Variants in FLRT2 observed in about 807,000 individuals in gnomAD.
The protein encoded by FLRT2 is fibronectin leucine rich transmembrane protein 2.
FLRT2 carries 15 observed loss-of-function variants against 40.0 expected under a neutral mutation model. That is an observed-to-expected ratio of 0.38 (90% CI 0.25 to 0.58). The LOEUF (loss-of-function observed/expected upper bound fraction) is 0.58, where lower values mean the gene tolerates loss of function less well. Ranked by LOEUF, FLRT2 falls within the 20% of genes least tolerant of loss-of-function variation. The pLI is 0.71. For synonymous variants in FLRT2, 380 were observed against 336.8 expected (o/e 1.13, Z -1.41); for missense variants, 726 against 840.0 (o/e 0.86, Z 1.68).
chr14:85,534,960 GAATC>G (rs1247426671), intron 1 of FLRT2, among the ~76,000 whole-genome samples: 1 of 152,016 alleles, frequency 6.6e-6, no homozygotes, highest in Admixed American at 6.6e-5. Flanking sequence ...CTGTGAATGG[GAATC>G]AGTCTTCAAG....
rs1160468989 is a variant in FLRT2, at chr14:85,622,229, C to T, written c.715C>T (p.Arg239Cys). The T allele has an allele frequency of 1.2e-6, 2 of 1,613,954 alleles. No individual in the cohort carries two copies. Among genetic ancestry groups the T allele is most frequent in the African/African-American group, 1.3e-5 (1 of 74,886 alleles). Residue 239 changes from arginine (R) to cysteine (C), a missense_variant, in exon 2 of 2, where the codon CGT (arginine) becomes TGT (cysteine). By Grantham distance (180) the Arg-to-Cys change is radical (BLOSUM62 -3). Around this residue, in one of 3 missense-constraint regions of FLRT2, gnomAD observed 611 missense variants for 690.0 expected, o/e 0.89. Transcript: ENST00000330753. The stretch of plus-strand genomic sequence containing the variant: ...CAAGCTCAAGGAATTTTCAATTGTA[C>T]GTAATTCGCTGTCCCACCCTCCTCC... ...LTKLKEFSIVRNSLSHPPPDL... is the reference protein window; with the variant it reads ...LTKLKEFSIVCNSLSHPPPDL...
intron 1 of FLRT2, among the ~76,000 whole-genome samples, chr14:85,564,500 A>G (rs999021932): frequency 2.0e-5 from 3 of 152,220 alleles, no homozygotes; most frequent in Non-Finnish European, 4.4e-5. Context: ...TTACATTTCC[A>G]CTGGACCAAC....
chr14:85,561,499 G>A (rs188646286), intron 1 of FLRT2, among the ~76,000 whole-genome samples: 7 of 152,214 alleles, frequency 4.6e-5, no homozygotes, highest in African/African-American at 1.4e-4. Flanking sequence ...TGACTACTGG[G>A]GACCCTTGCT....
chr14:85,622,426 G>A lies in FLRT2; in HGVS notation c.912G>A (p.Gln304=). 1 of 1,614,140 alleles carries A rather than the reference G, an allele frequency of 6.2e-7. No homozygotes were observed. Among genetic ancestry groups the A allele is most frequent in the Non-Finnish European group, 8.5e-7 (1 of 1,180,026 alleles). ...GVFDNLSNLK[Q]LTARNNPWFC... ...TTGATAATCTCTCCAACCTGAAGCA[G>A]CTCACTGCTCGGAATAACCCTTGGT... The change falls in exon 2 of 2, where the codon CAG becomes CAA. Residue 304 remains glutamine, a synonymous_variant. Transcript: ENST00000330753.
At chr14:85,554,306 A>G (rs1326637448) in intron 1 of FLRT2, among the ~76,000 whole-genome samples, 1 of 152,246 alleles carries the variant, frequency 6.6e-6, no homozygotes, top group Non-Finnish European at 1.5e-5. Flanking sequence ...TAGAAGATAA[A>G]CATTTATCAG....
chr14:85,641,842 T>C lies in FLRT2; in HGVS notation c.*18345T>C, dbSNP rs1894156080. On this transcript the variant is annotated 3_prime_UTR_variant, in exon 2 of 2. Coordinates refer to ENST00000330753, the MANE Select transcript of FLRT2 (RefSeq NM_013231.6). The stretch of plus-strand genomic sequence containing the variant: ...TTCATGCATAATGGATCACTGATAA[T>C]TTTTGGCTTGCAATGAGAAAAAAAA... 6.8e-6 allele frequency: 1 copy of C among 147,798 alleles called. No homozygotes were observed. 9.2% of individuals were successfully genotyped at this position (147,798 alleles called of 1,614,324 possible).
rs1893940954 is a variant in FLRT2, at chr14:85,633,863, C to T, written c.*10366C>T. 6.6e-6 allele frequency: 1 copy of T among 151,602 alleles called. No individual in the cohort carries two copies. The highest frequency in any genetic ancestry group is 6.6e-5 in the Admixed American group (1 of 15,190). The allele number at this position is 151,602 out of a possible 1,614,324, so 9.4% of individuals were successfully genotyped here. On this transcript the variant is annotated 3_prime_UTR_variant, in exon 2 of 2. Transcript: ENST00000330753. ...CAAAAATCTATAATTTCTAGTAAGA[C>T]ATAGTTTTATTTGATGCTAGTACAC...
At chr14:85,610,954 G>A (rs1188016166) in intron 1 of FLRT2, among the ~76,000 whole-genome samples, 1 of 152,092 alleles carries the variant, frequency 6.6e-6, no homozygotes, top group Admixed American at 6.5e-5. Context: ...GGAGTGCAGT[G>A]GTGCAATCTC....
intron 1 of FLRT2, among the ~76,000 whole-genome samples, chr14:85,586,597 C>T (rs1330968173): frequency 4.6e-5 from 7 of 152,038 alleles, no homozygotes; most frequent in Non-Finnish European, 2.9e-5. Flanking sequence ...CGTGATAAAA[C>T]TCACTCATAT....
intron 1 of FLRT2, among the ~76,000 whole-genome samples, chr14:85,612,768 G>C (rs1427006046): frequency 6.6e-6 from 1 of 152,072 alleles, no homozygotes; most frequent in Admixed American, 6.6e-5. Flanking sequence ...TACATTCAGA[G>C]CCATCTCTAT....
chr14:85,579,477 TG>T (rs1278355990), intron 1 of FLRT2, among the ~76,000 whole-genome samples: 2 of 151,914 alleles, frequency 1.3e-5, no homozygotes, highest in African/African-American at 4.8e-5. Context: ...TTAGGTTATT[TG>T]GGAGGGGTGG....
chr14:85,534,254 A>G (rs1213207903), intron 1 of FLRT2, among the ~76,000 whole-genome samples: 1 of 152,174 alleles, frequency 6.6e-6, no homozygotes, highest in Non-Finnish European at 1.5e-5. Context: ...GGAAATTTGG[A>G]ACGTGAATCC....
At position 85,642,350 on chromosome 14, in the gene FLRT2, C is replaced by T. The variant is rs1349521322; in HGVS notation, c.*18853C>T. Reference sequence around the variant, plus strand: ...TACTGAACCCCCAAGTCCGATGAGCCTTCTTTGCCAGTAGAACTCCTTCAT... The same window carrying T: ...TACTGAACCCCCAAGTCCGATGAGCTTTCTTTGCCAGTAGAACTCCTTCAT... On this transcript the variant is annotated 3_prime_UTR_variant, in exon 2 of 2. Coordinates refer to ENST00000330753, the MANE Select transcript of FLRT2 (RefSeq NM_013231.6). The T allele has an allele frequency of 6.6e-6, 1 of 152,080 alleles. No individual in the cohort carries two copies. The highest frequency in any genetic ancestry group is 1.9e-4 in the East Asian group (1 of 5,178). The allele number at this position is 152,080 out of a possible 1,614,324, so 9.4% of individuals were successfully genotyped here.
At chr14:85,599,048 G>C (rs2139330034) in intron 1 of FLRT2, among the ~76,000 whole-genome samples, 1 of 151,322 alleles carries the variant, frequency 6.6e-6, no homozygotes, top group South Asian at 2.1e-4. Context: ...CTCCCGAGTA[G>C]CTGGGACTAC....
chr14:85,623,746 G>T lies in FLRT2; in HGVS notation c.*249G>T. 2.7e-6 allele frequency: 1 copy of T among 365,924 alleles called. No individual in the cohort carries two copies. 22.7% of individuals were successfully genotyped at this position (365,924 alleles called of 1,614,324 possible). A position where few individuals can be genotyped will look rare whatever the true frequency, so the allele number is the denominator to read the frequency against. ...TTTAAATCTTAAAAAAAAAAAAGTT[G>T]CTGAAGTACTGTACAGGGTTGTACA... On this transcript the variant is annotated 3_prime_UTR_variant, in exon 2 of 2. Transcript: ENST00000330753.
At chr14:85,530,760 T>G (rs1301424282) in intron 1 of FLRT2, among the ~76,000 whole-genome samples, 1 of 152,124 alleles carries the variant, frequency 6.6e-6, no homozygotes, top group Non-Finnish European at 1.5e-5. Context: ...CCACCTCCTC[T>G]ACGGAGCATC....
At position 85,644,379 on chromosome 14, in the gene FLRT2, A is replaced by G. The variant is rs1345805993; in HGVS notation, c.*20882A>G. ...GCTTTCACTTTCATTAACACGCCCC[A>G]TGGAGATATCATGAATTACTCTCAG... On this transcript the variant is annotated 3_prime_UTR_variant, in exon 2 of 2. Transcript: ENST00000330753. 1 of 152,188 alleles carries G rather than the reference A, an allele frequency of 6.6e-6. No homozygotes were observed. The highest frequency in any genetic ancestry group is 6.5e-5 in the Admixed American group (1 of 15,280). The allele number at this position is 152,188 out of a possible 1,614,324, so 9.4% of individuals were successfully genotyped here. A position where few individuals can be genotyped will look rare whatever the true frequency, so the allele number is the denominator to read the frequency against.
chr14:85,652,027 G>A lies in FLRT2; in HGVS notation c.*28530G>A, dbSNP rs1014820301. 43 of 151,900 alleles carry A rather than the reference G, an allele frequency of 2.8e-4. No homozygotes were observed. Among genetic ancestry groups the A allele is most frequent in the Admixed American group, 2.7e-3 (41 of 15,250 alleles). 9.4% of individuals were successfully genotyped at this position (151,900 alleles called of 1,614,324 possible). The stretch of plus-strand genomic sequence containing the variant: ...AACATGGGACTCAAAACAACACTAG[G>A]AAAATAGCGTAGATCAGATAATTCT... On this transcript the variant is annotated 3_prime_UTR_variant, in exon 2 of 2. Transcript: ENST00000330753.
At chr14:85,561,808 T>G (rs1055369007) in intron 1 of FLRT2, among the ~76,000 whole-genome samples, 9 of 152,234 alleles carry the variant, frequency 5.9e-5, no homozygotes, top group South Asian at 2.1e-4. Flanking sequence ...AAAGTAACCT[T>G]GAAAATCATT....
Sources: allele counts gnomAD v4.1 joint callset (sites outside exome capture counted in the v4.1 genomes callset), GRCh38; gene constraint gnomAD v4.1.1; regional missense constraint gnomAD v4.1.1; transcripts MANE v1.5; gene names NCBI Gene and HGNC (gene_info 2026-07-23, HGNC 2026-07-21).